The following NRG3 variants were observed in gnomAD, a reference collection of about 807,000 sequenced individuals.
NRG3 encodes pro-neuregulin-3, membrane-bound isoform.
In NRG3, 31 loss-of-function variants were observed where a neutral mutation model predicts 66.9. The observed-to-expected ratio is 0.46, with a 90% CI of 0.35 to 0.63. The LOEUF is 0.63. NRG3 is among the 20% of genes least tolerant of loss of function. The pLI is 0.00. For missense variants in NRG3, 910 were observed against 878.9 expected, an observed-to-expected ratio of 1.04 and a Z score of -0.45; for synonymous variants, 393 against 359.4, an observed-to-expected ratio of 1.09 and a Z score of -1.06.
chr10:82,065,898 G>C (rs2064428929), intron 1 of NRG3, among the ~76,000 whole-genome samples: 1 of 151,950 alleles, frequency 6.6e-6, no homozygotes, highest in South Asian at 2.1e-4. Flanking sequence ...AAATCAAATT[G>C]CTCTTTAATC....
chr10:82,265,093 A>G (rs1244776373), intron 1 of NRG3, among the ~76,000 whole-genome samples: 2 of 152,142 alleles, frequency 1.3e-5, no homozygotes, highest in Non-Finnish European at 2.9e-5. Flanking sequence ...GGAGAGAATA[A>G]AAGGTGTGAG....
chr10:82,769,057 C>T (rs939484462), intron 3 of NRG3, among the ~76,000 whole-genome samples: 4 of 152,116 alleles, frequency 2.6e-5, no homozygotes, highest in Non-Finnish European at 4.4e-5. Context: ...CAGTCTTTGA[C>T]GACTACAGAT....
chr10:82,705,547 G>T (rs1271915747), intron 2 of NRG3, among the ~76,000 whole-genome samples: 1 of 152,114 alleles, frequency 6.6e-6, no homozygotes, highest in African/African-American at 2.4e-5. Context: ...AATCCAAGCT[G>T]CAGGGTCCAC....
intron 1 of NRG3, among the ~76,000 whole-genome samples, chr10:81,884,815 T>C (rs1405229021): frequency 6.6e-6 from 1 of 152,170 alleles, no homozygotes; most frequent in Admixed American, 6.5e-5. Context: ...AATGTGTACA[T>C]ATCGATGAGT....
chr10:81,926,508 G>A (rs1846802277), intron 1 of NRG3, among the ~76,000 whole-genome samples: 1 of 152,036 alleles, frequency 6.6e-6, no homozygotes, highest in Non-Finnish European at 1.5e-5. Flanking sequence ...CTTTTTATAA[G>A]ATAAAATAGA....
chr10:82,178,385 G>T (rs1417393782), intron 1 of NRG3, among the ~76,000 whole-genome samples: 2 of 152,064 alleles, frequency 1.3e-5, no homozygotes, highest in African/African-American at 4.8e-5. Flanking sequence ...TGCTCGGTTA[G>T]CCCTTTGCCC....
At chr10:82,981,955 T>C (rs556716737) in intron 8 of NRG3, among the ~76,000 whole-genome samples, 13 of 152,316 alleles carry the variant, frequency 8.5e-5, no homozygotes, top group South Asian at 2.1e-4. Flanking sequence ...AGTTATTCTT[T>C]AGAAATTTTA....
At chr10:82,603,086 G>C (rs1285764358) in intron 2 of NRG3, among the ~76,000 whole-genome samples, 1 of 152,170 alleles carries the variant, frequency 6.6e-6, no homozygotes, top group Non-Finnish European at 1.5e-5. Context: ...ATGTGTTATT[G>C]TTTTGTTATT....
At chr10:82,016,696 G>T (rs929972659) in intron 1 of NRG3, among the ~76,000 whole-genome samples, 2 of 152,208 alleles carry the variant, frequency 1.3e-5, no homozygotes, top group East Asian at 1.9e-4. Context: ...AAGTAATGAG[G>T]TCTGCGACTA....
At chr10:82,595,797 T>A (rs967631014) in intron 2 of NRG3, among the ~76,000 whole-genome samples, 5 of 150,464 alleles carry the variant, frequency 3.3e-5, no homozygotes, top group African/African-American at 1.2e-4. Context: ...AAAAAAAAAA[T>A]AGATTGGAAC....
At chr10:82,519,132 G>A (rs1845964415) in intron 2 of NRG3, among the ~76,000 whole-genome samples, 1 of 152,146 alleles carries the variant, frequency 6.6e-6, no homozygotes. Flanking sequence ...GAGTTTACAT[G>A]GCAGGTTCCT....
intron 3 of NRG3, among the ~76,000 whole-genome samples, chr10:82,754,448 G>A (rs893023807): frequency 1.3e-5 from 2 of 151,316 alleles, no homozygotes; most frequent in South Asian, 4.2e-4. Flanking sequence ...TACACTTAAA[G>A]GTAGCTATGA....
intron 2 of NRG3, among the ~76,000 whole-genome samples, chr10:82,648,678 T>C (rs2051160291): frequency 6.6e-6 from 1 of 152,182 alleles, no homozygotes; most frequent in African/African-American, 2.4e-5. Context: ...CTCTTCTATT[T>C]CATTGAGCAG....
At chr10:82,289,194 C>T (rs5002378) in intron 1 of NRG3, among the ~76,000 whole-genome samples, 71,052 of 149,586 alleles carry the variant, frequency 0.47, 20,558 homozygotes, top group African/African-American at 0.81. Flanking sequence ...TTTGACTTCG[C>T]TTTCTGATTC....
Position 81,876,008 on chromosome 10 carries a change from C to T in NRG3, c.668C>T (p.Ser223Phe). The T allele has an allele frequency of 6.2e-7, 1 of 1,614,076 alleles. No individual in the cohort carries two copies. Among genetic ancestry groups the T allele is most frequent in the South Asian group, 1.1e-5 (1 of 91,082 alleles). Residue 223 changes from serine (S) to phenylalanine (F), a missense_variant, in exon 1 of 9, where the codon TCC becomes TTC. Coordinates refer to ENST00000372141, the MANE Select transcript of NRG3 (RefSeq NM_001010848.4). ...ACTCCAAGTACCCAGGCAATGCCCT[C>T]CTGGCCTACTGCGGCATACGCTACC... is the stretch of plus-strand genomic sequence containing the variant. ...PGTPSTQAMP[S>F]WPTAAYATSS...
At chr10:81,925,793 G>C (rs922156706) in intron 1 of NRG3, among the ~76,000 whole-genome samples, 2 of 151,810 alleles carry the variant, frequency 1.3e-5, no homozygotes, top group African/African-American at 4.8e-5. Context: ...GGATTCCTCT[G>C]TTTTATGTTT....
chr10:82,694,862 G>A (rs1035605591), intron 2 of NRG3, among the ~76,000 whole-genome samples: 2 of 152,216 alleles, frequency 1.3e-5, no homozygotes, highest in African/African-American at 4.8e-5. Context: ...TCTGTAAGAA[G>A]GTTCATACAA....
At chr10:82,463,633 A>G (rs2091623342) in intron 2 of NRG3, among the ~76,000 whole-genome samples, 2 of 152,236 alleles carry the variant, frequency 1.3e-5, no homozygotes, top group Admixed American at 1.3e-4. Flanking sequence ...TCTGTGCTTG[A>G]TAATTTACTG....
At chr10:82,778,872 A>T (rs1262520226) in intron 3 of NRG3, among the ~76,000 whole-genome samples, 5 of 152,048 alleles carry the variant, frequency 3.3e-5, no homozygotes, top group African/African-American at 1.2e-4. Flanking sequence ...CTCTGTGTAG[A>T]CAGGGGTGGA....
Sources: allele counts gnomAD v4.1 joint callset (sites outside exome capture counted in the v4.1 genomes callset), GRCh38; gene constraint gnomAD v4.1.1; transcripts MANE v1.5; gene names NCBI Gene and HGNC (gene_info 2026-07-23, HGNC 2026-07-21).